MYO16: variants seen among roughly 807,000 people sequenced by gnomAD.
MYO16 encodes the protein unconventional myosin-XVI.
MYO16 carries 94 observed loss-of-function variants against 205.3 expected under a neutral mutation model. That is an observed-to-expected ratio of 0.46 (90% CI 0.39 to 0.54). The LOEUF (loss-of-function observed/expected upper bound fraction) is 0.54, where lower values mean the gene tolerates loss of function less well. MYO16 is among the 20% of genes least tolerant of loss of function. MYO16 has a pLI of 0.00. For synonymous variants in MYO16, 988 were observed against 954.0 expected (o/e 1.04, Z -0.66); for missense variants, 2,315 against 2,387.5 (o/e 0.97, Z 0.63).
chr13:108,736,842 G>A (rs1239422678), intron 4 of MYO16, among the ~76,000 whole-genome samples: 2 of 152,150 alleles, frequency 1.3e-5, no homozygotes, highest in African/African-American at 2.4e-5. Flanking sequence ...AGTTCTCCTT[G>A]AAGAGATCCT....
chr13:108,760,000 A>G (rs1885552312), intron 4 of MYO16, among the ~76,000 whole-genome samples: 1 of 152,166 alleles, frequency 6.6e-6, no homozygotes, highest in Admixed American at 6.5e-5. Flanking sequence ...ACAATGTGTA[A>G]TGATCAGATC....
At chr13:108,761,087 T>C (rs373316483) in intron 4 of MYO16, among the ~76,000 whole-genome samples, 1 of 152,336 alleles carries the variant, frequency 6.6e-6, no homozygotes, top group East Asian at 1.9e-4. Flanking sequence ...GCCGTTTATC[T>C]GTTGATGGAT....
chr13:108,619,285 TA>T (rs1295490639), intron 1 of MYO16, among the ~76,000 whole-genome samples: 2 of 152,146 alleles, frequency 1.3e-5, no homozygotes, highest in African/African-American at 4.8e-5. Flanking sequence ...CATGATATGT[TA>T]AAAAATTATT....
At chr13:108,526,572 T>C in the MYO16 span, among the ~76,000 whole-genome samples, 5 of 152,224 alleles carry the variant, frequency 3.3e-5, no homozygotes, top group Non-Finnish European at 7.4e-5. Flanking sequence ...ACAAGATTAT[T>C]ACTGAACGAA....
At chr13:109,078,567 A>G (rs1477319162) in intron 27 of MYO16, among the ~76,000 whole-genome samples, 10 of 152,166 alleles carry the variant, frequency 6.6e-5, no homozygotes, top group Admixed American at 5.9e-4. Flanking sequence ...TATAGATTGT[A>G]TATTTCCACT....
At chr13:109,034,237 A>G (rs1041628096) in intron 23 of MYO16, among the ~76,000 whole-genome samples, 1 of 152,218 alleles carries the variant, frequency 6.6e-6, no homozygotes, top group Non-Finnish European at 1.5e-5. Flanking sequence ...GTACATTCCA[A>G]ATTTTACAAA....
chr13:108,510,446 T>G, the MYO16 span, among the ~76,000 whole-genome samples: 54 of 123,806 alleles, frequency 4.4e-4, 1 homozygote, highest in Admixed American at 1.3e-3. Context: ...TTTTTTATAT[T>G]TAACATTGAT....
At chr13:109,020,082 A>C (rs1013090612) in intron 23 of MYO16, among the ~76,000 whole-genome samples, 171 bp downstream of exon 23, 1 of 152,168 alleles carries the variant, frequency 6.6e-6, no homozygotes, top group African/African-American at 2.4e-5. Flanking sequence ...CTGATGAGGA[A>C]TTAACATCTT....
At chr13:108,948,646 A>G (rs1883027876) in intron 16 of MYO16, among the ~76,000 whole-genome samples, 1 of 152,166 alleles carries the variant, frequency 6.6e-6, no homozygotes, top group Non-Finnish European at 1.5e-5. Context: ...AATCATATCT[A>G]TTCCCACTCC....
chr13:109,119,670 G>A (rs1348423226), intron 28 of MYO16, among the ~76,000 whole-genome samples: 1 of 152,172 alleles, frequency 6.6e-6, no homozygotes, highest in Non-Finnish European at 1.5e-5. Context: ...AGTACGTTTG[G>A]ATAAGTTCTC....
intron 4 of MYO16, among the ~76,000 whole-genome samples, chr13:108,736,666 C>G (rs1884712572): frequency 6.6e-6 from 1 of 152,062 alleles, no homozygotes; most frequent in Non-Finnish European, 1.5e-5. Context: ...GTAGTTTTTC[C>G]CAATTCTCTG....
At chr13:108,603,684 T>A (rs1226439785) in intron 1 of MYO16, among the ~76,000 whole-genome samples, 1 of 152,204 alleles carries the variant, frequency 6.6e-6, no homozygotes, top group Non-Finnish European at 1.5e-5. Flanking sequence ...TTTGCTATAT[T>A]TAGCAGTTTG....
At chr13:108,782,608 G>A (rs1232102166) in intron 4 of MYO16, among the ~76,000 whole-genome samples, 5 of 152,142 alleles carry the variant, frequency 3.3e-5, no homozygotes, top group Non-Finnish European at 7.4e-5. Context: ...ATTTCTCCAG[G>A]CCATGTCAGA....
chr13:108,780,391 C>T (rs2138907603), intron 4 of MYO16, among the ~76,000 whole-genome samples: 1 of 147,596 alleles, frequency 6.8e-6, no homozygotes, highest in Admixed American at 6.8e-5. Context: ...GTGACCGACT[C>T]ATTCATTAGG....
the MYO16 span, among the ~76,000 whole-genome samples, chr13:108,532,028 G>C: frequency 1.3e-5 from 2 of 151,962 alleles, no homozygotes; most frequent in Non-Finnish European, 2.9e-5. Flanking sequence ...TCAACATGGT[G>C]AAACCCTGTC....
chr13:108,810,248 C>T (rs1887247376), intron 7 of MYO16, among the ~76,000 whole-genome samples: 1 of 152,166 alleles, frequency 6.6e-6, no homozygotes, highest in African/African-American at 2.4e-5. Flanking sequence ...TCCATTAAGC[C>T]TACTCAAGTA....
intron 2 of MYO16, among the ~76,000 whole-genome samples, chr13:108,671,637 G>T (rs894315495): frequency 1.3e-5 from 2 of 152,078 alleles, no homozygotes; most frequent in Non-Finnish European, 2.9e-5. Flanking sequence ...TAAAATATTT[G>T]GCTCTAGAGG....
intron 9 of MYO16, among the ~76,000 whole-genome samples, chr13:108,837,539 G>A (rs577741396): frequency 6.6e-6 from 1 of 152,312 alleles, no homozygotes; most frequent in South Asian, 2.1e-4. Flanking sequence ...ATACAAAACT[G>A]TAGGGCTTGA....
At chr13:108,598,720 T>C (rs989022118) in intron 1 of MYO16, among the ~76,000 whole-genome samples, 2 of 152,226 alleles carry the variant, frequency 1.3e-5, no homozygotes, top group African/African-American at 2.4e-5. Flanking sequence ...ACCATTTTTA[T>C]TCATTGGAAC....
Sources: allele counts gnomAD v4.1 joint callset (sites outside exome capture counted in the v4.1 genomes callset), GRCh38; gene constraint gnomAD v4.1.1; transcripts MANE v1.5; gene names NCBI Gene and HGNC (gene_info 2026-07-23, HGNC 2026-07-21).